The following DLG2 variants were observed in gnomAD, a reference collection of about 807,000 sequenced individuals.
DLG2 encodes the protein discs large MAGUK scaffold protein 2.
DLG2 carries 45 observed loss-of-function variants against 132.5 expected under a neutral mutation model. The ratio of observed to expected loss-of-function variants is 0.34; its 90% CI spans 0.27 to 0.44. DLG2 has a LOEUF of 0.44. Ranked by LOEUF, DLG2 falls within the 20% of genes least tolerant of loss-of-function variation. The probability of loss-of-function intolerance (pLI) is 1.00; values close to 1 mark genes in which losing one functional copy is unlikely to be tolerated. For missense variants in DLG2, 1,045 were observed against 1,196.9 expected (o/e 0.87, Z 1.87); for synonymous variants, 424 against 419.6 (o/e 1.01, Z -0.13).
intron 18 of DLG2, among the ~76,000 whole-genome samples, chr11:83,643,306 T>A (rs1214152222): frequency 6.6e-6 from 1 of 152,190 alleles, no homozygotes; most frequent in Non-Finnish European, 1.5e-5. Flanking sequence ...TGTGAAACTC[T>A]GTGGGGGAAA....
intron 7 of DLG2, among the ~76,000 whole-genome samples, chr11:84,359,495 G>A (rs561284152): frequency 6.6e-6 from 1 of 151,932 alleles, no homozygotes; most frequent in East Asian, 1.9e-4. Flanking sequence ...AAGGTTACGT[G>A]GCCTGAAAAT....
At chr11:85,443,331 G>A (rs1377947076) in intron 3 of DLG2, among the ~76,000 whole-genome samples, 1 of 152,176 alleles carries the variant, frequency 6.6e-6, no homozygotes, top group Admixed American at 6.5e-5. Flanking sequence ...CTAAAACACA[G>A]TACTTGTTAC....
chr11:85,377,280 C>G (rs916604167), intron 3 of DLG2, among the ~76,000 whole-genome samples: 4 of 152,148 alleles, frequency 2.6e-5, no homozygotes, highest in African/African-American at 9.6e-5. Flanking sequence ...AGCAAGGCAT[C>G]TAAGAACATA....
At chr11:84,660,762 C>T (rs1391061777) in intron 6 of DLG2, among the ~76,000 whole-genome samples, 1 of 152,008 alleles carries the variant, frequency 6.6e-6, no homozygotes, top group South Asian at 2.1e-4. Flanking sequence ...ACACATTGAC[C>T]CAAGCAATAG....
At chr11:84,793,378 C>A (rs2074139056) in intron 6 of DLG2, among the ~76,000 whole-genome samples, 1 of 152,086 alleles carries the variant, frequency 6.6e-6, no homozygotes, top group Non-Finnish European at 1.5e-5. Context: ...GTATTTTTGG[C>A]CACTGGATGA....
At chr11:83,889,201 T>C (rs1196889270) in intron 15 of DLG2, among the ~76,000 whole-genome samples, 2 of 151,976 alleles carry the variant, frequency 1.3e-5, no homozygotes, top group East Asian at 1.9e-4. Context: ...TTTCGCAACC[T>C]ACTCATCTGA....
At chr11:84,428,335 C>A (rs1372398886) in intron 7 of DLG2, among the ~76,000 whole-genome samples, 1 of 152,170 alleles carries the variant, frequency 6.6e-6, no homozygotes, top group Non-Finnish European at 1.5e-5. Context: ...GCACTAAAAA[C>A]CACTCCTTAT....
intron 6 of DLG2, among the ~76,000 whole-genome samples, chr11:85,008,475 A>T (rs2058886339): frequency 6.6e-6 from 1 of 152,052 alleles, no homozygotes; most frequent in African/African-American, 2.4e-5. Flanking sequence ...TTTTAGGGAG[A>T]AGTGAAGGGG....
At chr11:85,082,859 G>T (rs2067431305) in intron 6 of DLG2, among the ~76,000 whole-genome samples, 1 of 148,150 alleles carries the variant, frequency 6.7e-6, no homozygotes, top group Non-Finnish European at 1.5e-5. Flanking sequence ...ATGAAAGAAA[G>T]TTCAAAACAA....
intron 12 of DLG2, among the ~76,000 whole-genome samples, chr11:83,973,703 T>TAA (rs201990240): frequency 6.6e-6 from 1 of 151,754 alleles, no homozygotes; most frequent in Non-Finnish European, 1.5e-5. Flanking sequence ...TTGGAAAACC[T>TAA]AAAAAAATAA....
At chr11:85,031,888 A>G (rs1459098708) in intron 6 of DLG2, among the ~76,000 whole-genome samples, 2 of 147,002 alleles carry the variant, frequency 1.4e-5, no homozygotes, top group Non-Finnish European at 3.0e-5. Flanking sequence ...GGTTCAAGCA[A>G]TTCTCCTGCC....
At chr11:84,772,385 A>T (rs1178301007) in intron 6 of DLG2, among the ~76,000 whole-genome samples, 3 of 152,112 alleles carry the variant, frequency 2.0e-5, no homozygotes, top group East Asian at 1.9e-4. Flanking sequence ...TAGATAGATC[A>T]TTGAGGCAGA....
chr11:85,506,425 T>A (rs2093935123), intron 3 of DLG2, among the ~76,000 whole-genome samples: 1 of 152,244 alleles, frequency 6.6e-6, no homozygotes, highest in Non-Finnish European at 1.5e-5. Context: ...GTCTTTGTTC[T>A]CATTGGTTTC....
chr11:84,518,361 A>T (rs529595799), intron 7 of DLG2, among the ~76,000 whole-genome samples: 1 of 152,222 alleles, frequency 6.6e-6, no homozygotes, highest in South Asian at 2.1e-4. Context: ...AAGAAAATAC[A>T]TAGAAAATAA....
intron 22 of DLG2, among the ~76,000 whole-genome samples, chr11:83,475,433 CAG>C (rs2092511768): frequency 6.6e-6 from 1 of 151,998 alleles, no homozygotes; most frequent in Admixed American, 6.6e-5. Context: ...AGCTGAGGCT[CAG>C]AGATGTTAAT....
chr11:85,384,043 A>G (rs1156916064), intron 3 of DLG2, among the ~76,000 whole-genome samples: 1 of 151,954 alleles, frequency 6.6e-6, no homozygotes, highest in East Asian at 1.9e-4. Flanking sequence ...CCTAGTTAAT[A>G]CTCCTTTATA....
chr11:85,600,888 A>G (rs2080107025), intron 2 of DLG2, among the ~76,000 whole-genome samples: 1 of 152,184 alleles, frequency 6.6e-6, no homozygotes, highest in African/African-American at 2.4e-5. Flanking sequence ...TTACTTTATC[A>G]CTTTCTTATC....
chr11:84,548,287 T>A (rs1040602378), intron 6 of DLG2, among the ~76,000 whole-genome samples: 4 of 152,176 alleles, frequency 2.6e-5, no homozygotes, highest in Non-Finnish European at 4.4e-5. Context: ...TTTTAATTTT[T>A]ATTTTTATTA....
At chr11:83,973,144 C>A (rs1431694327) in intron 12 of DLG2, among the ~76,000 whole-genome samples, 1 of 151,988 alleles carries the variant, frequency 6.6e-6, no homozygotes, top group African/African-American at 2.4e-5. Context: ...TTTCTATTTC[C>A]ATTTTCATAT....
Sources: allele counts gnomAD v4.1 joint callset (sites outside exome capture counted in the v4.1 genomes callset), GRCh38; gene constraint gnomAD v4.1.1; transcripts MANE v1.5; gene names NCBI Gene and HGNC (gene_info 2026-07-23, HGNC 2026-07-21).